The following IFIH1 variants were observed in gnomAD, a reference collection of about 807,000 sequenced individuals.
IFIH1 encodes interferon induced with helicase C domain 1.
Under a neutral mutation model 107.4 loss-of-function variants are expected in IFIH1, and 125 were observed. The ratio of observed to expected loss-of-function variants is 1.16; its 90% CI spans 1.01 to 1.35. The LOEUF is 1.35. IFIH1 is among the 40% of genes most tolerant of loss of function. IFIH1 has a pLI of 0.00. For synonymous variants in IFIH1, 458 were observed against 413.2 expected, an observed-to-expected ratio of 1.11 and a Z score of -1.31; for missense variants, 1,333 against 1,213.7, an observed-to-expected ratio of 1.10 and a Z score of -1.46.
chr2:162,267,663 C>T (rs1690952989), intron 14 of IFIH1, 94 bp from the exon 15 acceptor site: 4 of 904,774 alleles, frequency 4.4e-6, no homozygotes, highest in Admixed American at 1.9e-5. Context: ...CATCCGCATG[C>T]CTGCGGTATT....
rs2105203031 is a variant in IFIH1 at position 162,282,384 on chromosome 2, C to A, written c.1288G>T (p.Ala430Ser). Residue 430 changes from alanine to serine, a missense_variant, in exon 6 of 16, where the codon GCT becomes TCT. Transcript: ENST00000649979. The part of the protein sequence containing the change: ...SLLNLENGED[A>S]GVQLSDFSLI... ...AACTGACCTGACAATTGAACACCAGCATCTTCTCCATTTTCCAAGTTTAAG... is the reference window on the plus strand; with the variant it reads ...AACTGACCTGACAATTGAACACCAGAATCTTCTCCATTTTCCAAGTTTAAG... The A allele has an allele frequency of 3.1e-6, 5 of 1,609,374 alleles. No individual in the cohort carries two copies. In the South Asian group the frequency reaches 3.3e-5, roughly 11 times the overall value.
intron 4 of IFIH1, among the ~76,000 whole-genome samples, chr2:162,290,565 T>A (rs1241173424): frequency 6.6e-6 from 1 of 151,894 alleles, no homozygotes; most frequent in East Asian, 1.9e-4. Context: ...CAGTCAATAT[T>A]GACTGGACAC....
rs1392083149 is a variant in IFIH1 at position 162,310,886 on chromosome 2, T to A, written c.501A>T (p.Leu167=). 2 of 1,613,568 alleles carry A rather than the reference T, an allele frequency of 1.2e-6. No individual in the cohort carries two copies. The highest frequency in any genetic ancestry group is 1.7e-6 in the Non-Finnish European group (2 of 1,179,602). Residue 167 remains leucine (L), a synonymous_variant, in exon 2 of 16, where the codon CTA becomes CTT. Transcript: ENST00000649979. ...TTTCTTTCTGCACAATCCTTTTTAG[T>A]AGCTCTCTTACACCTGATTCATTTC... ...NNGNESGVRE[L]LKRIVQKENW...
chr2:162,318,443 G>C lies in IFIH1; in HGVS notation c.-136C>G, dbSNP rs1208963447. ...CTACCGCTCTGTGCCTGACAATGAC[G>C]AGGTTGTCCACAGGGCTCTCAGGCC... On this transcript the variant is annotated 5_prime_UTR_variant, in exon 1 of 16. Transcript: ENST00000649979. 2 of 742,192 alleles carry C rather than the reference G, an allele frequency of 2.7e-6. No homozygotes were observed. Among genetic ancestry groups the C allele is most frequent in the African/African-American group, 1.8e-5 (1 of 56,790 alleles). The allele number at this position is 742,192 out of a possible 1,614,324, so 46.0% of individuals were successfully genotyped here.
chr2:162,287,601 T>C (rs576694329), intron 5 of IFIH1, among the ~76,000 whole-genome samples: 34 of 152,030 alleles, frequency 2.2e-4, no homozygotes, highest in African/African-American at 7.7e-4. Context: ...TTTTAAAATC[T>C]ATTTAACTTG....
Position 162,318,010 on chromosome 2 carries a change from T to C in IFIH1, c.298A>G (p.Thr100Ala), listed in dbSNP as rs375449284. The change falls in exon 1 of 16, where the codon ACG becomes GCG. Residue 100 changes from threonine to alanine, a missense_variant. Transcript: ENST00000649979. ...TCAAACGATGGAGAGGGCAAGTCCG[T>C]GAGCTCAGGGTTCATGTAGCGGGCG... Reference protein sequence around the residue: ...LAARYMNPELTDLPSPSFENA... With the variant: ...LAARYMNPELADLPSPSFENA... The C allele has an allele frequency of 1.4e-5, 23 of 1,614,056 alleles. No individual in the cohort carries two copies. In the East Asian group the frequency reaches 1.8e-4, roughly 13 times the overall value.
chr2:162,316,200 C>T (rs935656848), intron 1 of IFIH1, among the ~76,000 whole-genome samples: 1 of 152,156 alleles, frequency 6.6e-6, no homozygotes, highest in Non-Finnish European at 1.5e-5. Flanking sequence ...CGCTGGCAAT[C>T]GGGACATCAT....
At chr2:162,284,126 C>T (rs937329980) in intron 5 of IFIH1, among the ~76,000 whole-genome samples, 2 of 151,914 alleles carry the variant, frequency 1.3e-5, no homozygotes, top group Non-Finnish European at 2.9e-5. Flanking sequence ...GAAACCTTCA[C>T]TTTAATGACA....
chr2:162,318,382 G>C lies in IFIH1; in HGVS notation c.-75C>G. The C allele has an allele frequency of 8.0e-7, 1 of 1,244,564 alleles. No individual in the cohort carries two copies. Among genetic ancestry groups the C allele is most frequent in the Non-Finnish European group, 1.2e-6 (1 of 866,500 alleles). The allele number at this position is 1,244,564 out of a possible 1,614,324, so 77.1% of individuals were successfully genotyped here. A position where few individuals can be genotyped will look rare whatever the true frequency, so the allele number is the denominator to read the frequency against. On this transcript the variant is annotated 5_prime_UTR_variant, in exon 1 of 16. Transcript: ENST00000649979. Reference sequence around the variant, plus strand: ...TGTCTGCGGGACAGGTGAAATGTGCGTGCCGCTGTCCGCTGCCCACTTAGA... The same window carrying C: ...TGTCTGCGGGACAGGTGAAATGTGCCTGCCGCTGTCCGCTGCCCACTTAGA...
At position 162,271,636 on chromosome 2, in the gene IFIH1, A is replaced by G. The variant is rs571413747; in HGVS notation, c.2616+590T>C. Among the ~76,000 whole-genome samples the G allele has an allele frequency of 5.9e-5, 9 of 152,278 alleles. No individual in the cohort carries two copies. The East Asian group carries it at 1.7e-3, about 29-fold the overall frequency. ...AAAAAAAGAATTTCAAAAACTACTA[A>G]AAACAAGAAAGTATCCATCTAGTCA... On this transcript the variant is annotated intron_variant, in intron 13 of 15. Transcript: ENST00000649979.
At chr2:162,284,753 A>C (rs1682870578) in intron 5 of IFIH1, among the ~76,000 whole-genome samples, 1 of 152,032 alleles carries the variant, frequency 6.6e-6, no homozygotes, top group African/African-American at 2.4e-5. Context: ...AATATTAATT[A>C]TCATATTATC....
chr2:162,313,674 A>G (rs750333148), intron 1 of IFIH1, among the ~76,000 whole-genome samples: 4 of 152,206 alleles, frequency 2.6e-5, no homozygotes, highest in Admixed American at 6.5e-5. Context: ...AACCCAGCAG[A>G]GTTCAACTCT....
intron 12 of IFIH1, among the ~76,000 whole-genome samples, chr2:162,273,250 GA>G (rs757707145): frequency 6.6e-6 from 1 of 152,294 alleles, no homozygotes; most frequent in Admixed American, 6.5e-5. Flanking sequence ...GAGATAAAGT[GA>G]AATCTGAATG....
intron 7 of IFIH1, among the ~76,000 whole-genome samples, chr2:162,281,033 T>A (rs377488536): frequency 6.6e-6 from 1 of 152,086 alleles, no homozygotes; most frequent in East Asian, 1.9e-4. Context: ...ATCAGGTAGA[T>A]CATTAAATTT....
intron 5 of IFIH1, 138 bp from the exon 6 acceptor site, chr2:162,282,714 T>A: frequency 1.6e-6 from 1 of 606,896 alleles, no homozygotes; most frequent in African/African-American, 1.9e-5. Context: ...AACGTTCCCA[T>A]CACTCCTTTC....
At chr2:162,277,090 T>C (rs960313743) in intron 10 of IFIH1, 144 bp from the exon 11 acceptor site, 5 of 657,874 alleles carry the variant, frequency 7.6e-6, no homozygotes, top group African/African-American at 3.7e-5. Flanking sequence ...TTTGGAAGTA[T>C]AAATTAGTAA....
rs751878186 is a variant in IFIH1 at position 162,281,295 on chromosome 2, C to T, written c.1524+33G>A. ...AGTCCTGGCATTTGTTTTAGCTTTG[C>T]TTTCATTGGTTATACATAAAATTAT... is the stretch of plus-strand genomic sequence containing the variant. On this transcript the variant is annotated intron_variant, in intron 7 of 15. Coordinates refer to ENST00000649979, the MANE Select transcript of IFIH1 (RefSeq NM_022168.4). 8 of 1,550,954 alleles carry T rather than the reference C, an allele frequency of 5.2e-6. No individual in the cohort carries two copies. The East Asian group carries it at 1.6e-4, about 31-fold the overall frequency.
chr2:162,288,488 T>A (rs1682935761), intron 4 of IFIH1, 133 bp from the exon 5 acceptor site: 2 of 635,506 alleles, frequency 3.1e-6, no homozygotes, highest in African/African-American at 3.7e-5. Context: ...TCATTTTCTC[T>A]TTTCTGTACC....
At chr2:162,292,891 A>G (rs1683021246) in intron 4 of IFIH1, among the ~76,000 whole-genome samples, 1 of 151,680 alleles carries the variant, frequency 6.6e-6, no homozygotes, top group South Asian at 2.1e-4. Context: ...ACACTCAAAG[A>G]AAAGAAAGAA....
Sources: allele counts gnomAD v4.1 joint callset (sites outside exome capture counted in the v4.1 genomes callset), GRCh38; gene constraint gnomAD v4.1.1; transcripts MANE v1.5; gene names NCBI Gene and HGNC (gene_info 2026-07-23, HGNC 2026-07-21).